Variants in TNS1 observed in about 807,000 individuals in gnomAD.
The protein encoded by TNS1 is tensin-1.
In TNS1, 62 loss-of-function variants were observed where a neutral mutation model predicts 168.6. The observed-to-expected ratio is 0.37, with a 90% CI of 0.30 to 0.45. The LOEUF (loss-of-function observed/expected upper bound fraction) is 0.45, where lower values mean the gene tolerates loss of function less well. Among genes scored for constraint, TNS1 ranks in the 20% least tolerant of loss-of-function variants. The probability of loss-of-function intolerance (pLI) is 1.00; values close to 1 mark genes in which losing one functional copy is unlikely to be tolerated. For missense variants in TNS1, 2,240 were observed against 2,339.4 expected (o/e 0.96, Z 0.88); for synonymous variants, 934 against 933.2 (o/e 1.00, Z -0.02).
At chr2:217,921,974 C>G (rs77190637) in intron 3 of TNS1, among the ~76,000 whole-genome samples, 1,950 of 152,276 alleles carry the variant, frequency 0.013, 51 homozygotes, top group African/African-American at 0.044. Flanking sequence ...CCCAAGATGA[C>G]ATGTGAAGGG....
At chr2:217,920,877 T>C (rs11890796) in intron 3 of TNS1, among the ~76,000 whole-genome samples, 3,079 of 152,172 alleles carry the variant, frequency 0.02, 102 homozygotes, top group African/African-American at 0.069. Flanking sequence ...GAGTGAGCTA[T>C]GATCTTCACC....
At chr2:217,837,252 G>C (rs1221036743) in intron 19 of TNS1, among the ~76,000 whole-genome samples, 2 of 152,162 alleles carry the variant, frequency 1.3e-5, no homozygotes, top group East Asian at 3.9e-4. Flanking sequence ...CCCTAGGAAT[G>C]TGCCAGTACA....
At chr2:217,814,826 A>C (rs1049096239) in intron 25 of TNS1, 86 bp downstream of exon 25, 8 of 1,127,240 alleles carry the variant, frequency 7.1e-6, no homozygotes, top group Middle Eastern at 2.4e-4. Context: ...AAGAGGACTG[A>C]ATTTGCCTCT....
intron 1 of TNS1, among the ~76,000 whole-genome samples, chr2:218,002,467 T>C (rs998997368): frequency 2.6e-5 from 4 of 151,532 alleles, no homozygotes; most frequent in African/African-American, 9.7e-5. Context: ...GCTCAGCAAC[T>C]GAGGGGGGGC....
intron 6 of TNS1, chr2:217,903,671 AGT>A (rs1953296155): frequency 7.1e-7 from 1 of 1,405,506 alleles, no homozygotes; most frequent in Admixed American, 2.0e-5. Flanking sequence ...TCCCAGACAG[AGT>A]GTCTTACTTT....
chr2:217,851,542 C>G (rs1947496401), intron 18 of TNS1, among the ~76,000 whole-genome samples: 1 of 152,066 alleles, frequency 6.6e-6, no homozygotes. Context: ...CCAGTTTTCC[C>G]CAAGGCTTTG....
At chr2:218,004,116 C>T (rs1326270593), upstream of TNS1, among the ~76,000 whole-genome samples, 1 of 152,200 alleles carries the variant, frequency 6.6e-6, no homozygotes, top group Non-Finnish European at 1.5e-5. Context: ...GTGAATCACC[C>T]GCTCTGTTCT....
At chr2:217,934,316 A>T (rs1457926530) in intron 3 of TNS1, among the ~76,000 whole-genome samples, 1 of 152,086 alleles carries the variant, frequency 6.6e-6, no homozygotes, top group Non-Finnish European at 1.5e-5. Context: ...GAGGTGTGGC[A>T]CCCTGCTGGC....
Position 217,893,569 on chromosome 2 carries a change from C to T in TNS1, c.595-8G>A. On this transcript the variant is annotated splice_polypyrimidine_tract_variant and splice_region_variant and intron_variant, in intron 9 of 32. Coordinates refer to ENST00000682258, the MANE Select transcript of TNS1 (RefSeq NM_001387777.1). ...CCAGCCAAATTCCAGTACCTGTGGC[C>T]CAAGCCATGAGTGAGAAGAGGGCAG... The T allele has an allele frequency of 6.2e-7, 1 of 1,605,490 alleles. No individual in the cohort carries two copies. Among genetic ancestry groups the T allele is most frequent in the Non-Finnish European group, 8.5e-7 (1 of 1,176,268 alleles).
intron 3 of TNS1, among the ~76,000 whole-genome samples, chr2:217,940,096 T>G (rs1397894801): frequency 6.6e-6 from 1 of 152,020 alleles, no homozygotes; most frequent in Non-Finnish European, 1.5e-5. Context: ...TTGTCCCAGC[T>G]CACTTATGCC....
intron 22 of TNS1, among the ~76,000 whole-genome samples, chr2:217,829,556 G>C (rs1219544450): frequency 1.3e-5 from 2 of 152,186 alleles, no homozygotes; most frequent in Non-Finnish European, 2.9e-5. Flanking sequence ...CGCTGGGAGA[G>C]GAAGGTGCAA....
chr2:217,892,477 A>G (rs1446901319), intron 11 of TNS1, among the ~76,000 whole-genome samples: 1 of 152,160 alleles, frequency 6.6e-6, no homozygotes, highest in East Asian at 1.9e-4. Context: ...TTGGAAAGGG[A>G]GTCAGTGACT....
chr2:217,877,858 G>C (rs901977178), intron 18 of TNS1, among the ~76,000 whole-genome samples: 2 of 152,160 alleles, frequency 1.3e-5, no homozygotes, highest in African/African-American at 4.8e-5. Flanking sequence ...GCAGGCCAGA[G>C]ATGACATCTG....
At position 217,885,750 on chromosome 2, in the gene TNS1, G is replaced by A. The variant is rs756715764; in HGVS notation, c.1110C>T (p.Asp370=). ...TIEPGLLLKG[D]ILLKCYHKKF... The stretch of plus-strand genomic sequence containing the variant: ...CACAGAGGACAGCACTCACCAAGAT[G>A]TCTCCCTTCAAGAGCAGTCCTGGCT... Residue 370 remains aspartate (D), a synonymous_variant, in exon 15 of 33, where the codon GAC becomes GAT. Transcript: ENST00000682258. 6.2e-7 allele frequency: 1 copy of A among 1,613,972 alleles called. No individual in the cohort carries two copies. Among genetic ancestry groups the A allele is most frequent in the Admixed American group, 1.7e-5 (1 of 60,016 alleles).
chr2:217,951,868 G>A (rs368489480), intron 3 of TNS1, among the ~76,000 whole-genome samples: 8 of 152,210 alleles, frequency 5.3e-5, no homozygotes, highest in African/African-American at 1.9e-4. Flanking sequence ...TCTTCCACAT[G>A]CCAGGTGCTC....
intron 1 of TNS1, chr2:218,010,030 G>C: frequency 2.6e-6 from 1 of 390,472 alleles, no homozygotes; most frequent in Non-Finnish European, 4.5e-6. Context: ...GAGACTGCGG[G>C]AGGGAAGCGT....
intron 10 of TNS1, 150 bp downstream of exon 10, chr2:217,893,289 A>G: frequency 7.2e-7 from 1 of 1,383,172 alleles, no homozygotes; most frequent in Non-Finnish European, 9.5e-7. Flanking sequence ...TCCCCTAGAA[A>G]GAAAAATACA....
chr2:217,892,952 C>A lies in TNS1; in HGVS notation c.778G>T (p.Ala260Ser). The A allele has an allele frequency of 6.2e-7, 1 of 1,614,136 alleles. No homozygotes were observed. Among genetic ancestry groups the A allele is most frequent in the South Asian group, 1.1e-5 (1 of 91,066 alleles). The change falls in exon 11 of 33, where the codon GCC (alanine) becomes TCC (serine). Residue 260 changes from alanine to serine, a missense_variant. Ala to Ser is a moderately conservative substitution (Grantham distance 99). Around this residue, in one of 2 missense-constraint regions of TNS1, gnomAD observed 2,131 missense variants for 2,171.2 expected, o/e 0.98. Transcript: ENST00000682258. ...GAGGCTCCAGGCCCCTCTTACCTGG[C>A]AGAAATGTTGCTGTAGTGCATGTAA... is the stretch of plus-strand genomic sequence containing the variant. ...AAYMHYSNIS[A>S]SADQALDRFA...
chr2:217,924,100 C>T (rs933020252), intron 3 of TNS1, among the ~76,000 whole-genome samples: 1 of 152,202 alleles, frequency 6.6e-6, no homozygotes, highest in Non-Finnish European at 1.5e-5. Flanking sequence ...TGTCCGGGAC[C>T]CGAAGCCACA....
Sources: gnomAD v4.1 joint callset for allele counts (sites outside exome capture counted in the v4.1 genomes callset) on GRCh38, gnomAD v4.1.1 for gene constraint, gnomAD v4.1.1 regional missense constraint, MANE v1.5 for transcripts, NCBI Gene and HGNC (gene_info 2026-07-23, HGNC 2026-07-21) for gene names.